The following TSNARE1 variants were observed in gnomAD, a reference collection of about 807,000 sequenced individuals.
TSNARE1 encodes t-SNARE domain containing 1.
Under a neutral mutation model 62.0 loss-of-function variants are expected in TSNARE1, and 49 were observed. That is an observed-to-expected ratio of 0.79 (90% CI 0.63 to 1.00). The LOEUF (loss-of-function observed/expected upper bound fraction) is 1.00. Ranked by LOEUF, TSNARE1 falls within the 50% of genes least tolerant of loss-of-function variation. The pLI, the probability that TSNARE1 is intolerant of heterozygous loss-of-function variation, is 0.00. For missense variants in TSNARE1, 755 were observed against 700.1 expected (o/e 1.08, Z -0.88); for synonymous variants, 328 against 294.4 (o/e 1.11, Z -1.17).
At chr8:142,244,793 G>C (rs1042120110) in intron 12 of TSNARE1, among the ~76,000 whole-genome samples, 4 of 152,256 alleles carry the variant, frequency 2.6e-5, no homozygotes, top group Non-Finnish European at 5.9e-5. Flanking sequence ...AGCGGAAAGG[G>C]AGGCTGGCAC....
At chr8:142,324,494 G>A (rs377381427) in intron 6 of TSNARE1, among the ~76,000 whole-genome samples, 97 of 152,302 alleles carry the variant, frequency 6.4e-4, no homozygotes, top group African/African-American at 2.1e-3. Context: ...TTGCCCTAGC[G>A]CCCTGCCCTA....
chr8:142,352,818 G>A (rs1834279965), intron 2 of TSNARE1, among the ~76,000 whole-genome samples: 1 of 152,216 alleles, frequency 6.6e-6, no homozygotes, highest in South Asian at 2.1e-4. Context: ...CAAGGACGAA[G>A]GAGGCAGGAG....
intron 1 of TSNARE1, among the ~76,000 whole-genome samples, chr8:142,361,226 G>A (rs976610435): frequency 2.6e-5 from 4 of 152,256 alleles, no homozygotes; most frequent in Non-Finnish European, 4.4e-5. Context: ...GACAGGCCTG[G>A]CCTGCTCTCG....
intron 6 of TSNARE1, among the ~76,000 whole-genome samples, chr8:142,325,134 G>A (rs1382849120): frequency 6.6e-6 from 1 of 152,244 alleles, no homozygotes; most frequent in East Asian, 1.9e-4. Context: ...CAGGGCGAGT[G>A]GGCCGGCAAG....
intron 12 of TSNARE1, chr8:142,270,321 G>A (rs1327951214): frequency 1.2e-5 from 12 of 985,298 alleles, no homozygotes; most frequent in South Asian, 9.4e-5. Flanking sequence ...AGCGGTGCCT[G>A]CCACGCCCGA....
chr8:142,337,457 G>A (rs1044690201), intron 4 of TSNARE1, among the ~76,000 whole-genome samples: 1 of 152,224 alleles, frequency 6.6e-6, no homozygotes, highest in Admixed American at 6.5e-5. Flanking sequence ...AAGTGGAAAC[G>A]CAGGCTGTGC....
chr8:142,343,255 T>G (rs1045789387), intron 4 of TSNARE1, among the ~76,000 whole-genome samples: 1 of 152,146 alleles, frequency 6.6e-6, no homozygotes, highest in Non-Finnish European at 1.5e-5. Flanking sequence ...AGGCCTCTTC[T>G]GGGTGTTAAA....
chr8:142,268,840 C>T (rs1455314942), intron 12 of TSNARE1, among the ~76,000 whole-genome samples: 1 of 152,234 alleles, frequency 6.6e-6, no homozygotes, highest in Non-Finnish European at 1.5e-5. Flanking sequence ...AGCAGAAAGA[C>T]ACCTGGACCT....
chr8:142,327,678 C>T (rs1830455140), intron 6 of TSNARE1, among the ~76,000 whole-genome samples: 1 of 152,210 alleles, frequency 6.6e-6, no homozygotes, highest in Admixed American at 6.5e-5. Context: ...ATGGTCCTGC[C>T]CTGCTTAAGC....
chr8:142,317,441 G>A (rs1189430432), intron 7 of TSNARE1, among the ~76,000 whole-genome samples: 1 of 150,232 alleles, frequency 6.7e-6, no homozygotes, highest in Non-Finnish European at 1.5e-5. Flanking sequence ...CATCAAGCGG[G>A]TGTGGGCAAG....
At chr8:142,305,958 C>G (rs146904442) in intron 9 of TSNARE1, among the ~76,000 whole-genome samples, 1 of 152,150 alleles carries the variant, frequency 6.6e-6, no homozygotes, top group Non-Finnish European at 1.5e-5. Context: ...AGCAGGGACC[C>G]GAGGCCGGCG....
At chr8:142,253,409 G>A (rs1393132670) in intron 12 of TSNARE1, among the ~76,000 whole-genome samples, 1 of 152,204 alleles carries the variant, frequency 6.6e-6, no homozygotes, top group Non-Finnish European at 1.5e-5. Context: ...CCCTGAGGGT[G>A]CAGTCACCCC....
intron 12 of TSNARE1, among the ~76,000 whole-genome samples, chr8:142,267,140 T>C (rs1819174657): frequency 6.6e-6 from 1 of 152,264 alleles, no homozygotes; most frequent in Non-Finnish European, 1.5e-5. Flanking sequence ...GGGTCTAAAC[T>C]TGATATTTTT....
At chr8:142,225,021 G>A (rs13281016) in intron 13 of TSNARE1, among the ~76,000 whole-genome samples, 71,296 of 151,946 alleles carry the variant, frequency 0.47, 17,146 homozygotes, top group East Asian at 0.6. Flanking sequence ...CAAGGGAGGC[G>A]TGGCTGCAGG....
chr8:142,318,582 C>CGGAGCT lies in TSNARE1; in HGVS notation c.940_945dup (p.Ser314_Ser315dup). On this transcript the variant is annotated inframe_insertion, in exon 7 of 14. Coordinates refer to ENST00000524325, the MANE Select transcript of TSNARE1 (RefSeq NM_145003.5). Reference sequence around the variant, plus strand: ...CGCAGCAGCTCGGCCATCTGCTTCACGGAGCTGGCGCTGGCTGCAATGGTC... The same window carrying CGGAGCT: ...CGCAGCAGCTCGGCCATCTGCTTCACGGAGCTGGAGCTGGCGCTGGCTGCAATGGTC... The CGGAGCT allele has an allele frequency of 1.9e-6, 3 of 1,613,670 alleles. No homozygotes were observed. Among genetic ancestry groups the CGGAGCT allele is most frequent in the Non-Finnish European group, 2.5e-6 (3 of 1,179,984 alleles).
chr8:142,331,166 C>A (rs947624795), intron 5 of TSNARE1, among the ~76,000 whole-genome samples, 196 bp from the exon 6 acceptor site: 2 of 152,246 alleles, frequency 1.3e-5, no homozygotes, highest in African/African-American at 4.8e-5. Context: ...CCCGCCAGAA[C>A]CCCTCCCCAG....
At chr8:142,272,890 G>C (rs72687355) in intron 12 of TSNARE1, 10,264 of 985,060 alleles carry the variant, frequency 0.01, 67 homozygotes, top group Non-Finnish European at 0.012. Flanking sequence ...ACACCGTGGG[G>C]AAGGCCCCTC....
intron 12 of TSNARE1, among the ~76,000 whole-genome samples, chr8:142,243,984 G>A (rs923323823): frequency 6.6e-6 from 1 of 151,950 alleles, no homozygotes; most frequent in Non-Finnish European, 1.5e-5. Flanking sequence ...TCAGGAGATC[G>A]AGACCATCTG....
At chr8:142,314,846 C>A (rs1828273659) in intron 8 of TSNARE1, among the ~76,000 whole-genome samples, 157 bp downstream of exon 8, 1 of 152,242 alleles carries the variant, frequency 6.6e-6, no homozygotes, top group African/African-American at 2.4e-5. Context: ...TGGATCCTGG[C>A]TGCCTAGAGA....
Sources: allele counts gnomAD v4.1 joint callset (sites outside exome capture counted in the v4.1 genomes callset), GRCh38; gene constraint gnomAD v4.1.1; transcripts MANE v1.5; gene names NCBI Gene and HGNC (gene_info 2026-07-23, HGNC 2026-07-21).